DACH2: variants seen among roughly 807,000 people sequenced by gnomAD.
DACH2 encodes dachshund homolog 2.
A neutral mutation model predicts 35.8 loss-of-function variants in DACH2; 17 were observed. The observed-to-expected ratio is 0.48, with a 90% confidence interval of 0.33 to 0.71. DACH2 has a LOEUF of 0.71. Among genes scored for constraint, DACH2 ranks in the 30% least tolerant of loss-of-function variants. The probability of loss-of-function intolerance (pLI) is 0.02; values close to 1 mark genes in which losing one functional copy is unlikely to be tolerated. For missense variants in DACH2, 469 were observed against 472.7 expected, an observed-to-expected ratio of 0.99 and a Z score of 0.07; for synonymous variants, 195 against 177.3, an observed-to-expected ratio of 1.10 and a Z score of -0.79.
intron 7 of DACH2, among the ~76,000 whole-genome samples, chrX:86,767,379 C>G (rs1161686102): frequency 9.0e-6 from 1 of 111,558 alleles, no homozygotes; most frequent in Non-Finnish European, 1.9e-5. Context: ...AGCATAATAT[C>G]ACAGAGAAAG....
intron 3 of DACH2, among the ~76,000 whole-genome samples, chrX:86,592,615 A>G (rs1290817216): frequency 8.9e-6 from 1 of 112,185 alleles, no homozygotes; most frequent in Non-Finnish European, 1.9e-5. Context: ...AGTTATGTAG[A>G]ACTGATATCT....
chrX:86,662,524 C>T (rs1412291743), intron 4 of DACH2, among the ~76,000 whole-genome samples: 1 of 109,163 alleles, frequency 9.2e-6, no homozygotes, highest in East Asian at 2.9e-4. Context: ...ACCAGGCAGG[C>T]GGAGGTTGCA....
At chrX:86,242,786 T>C (rs1374930611) in intron 1 of DACH2, among the ~76,000 whole-genome samples, 1 of 111,315 alleles carries the variant, frequency 9.0e-6, no homozygotes, top group Non-Finnish European at 1.9e-5. Flanking sequence ...CCCTAGTTGC[T>C]CTTGTGATAG....
At chrX:86,152,265 A>G (rs758526922) in intron 1 of DACH2, among the ~76,000 whole-genome samples, 1 of 110,872 alleles carries the variant, frequency 9.0e-6, no homozygotes, top group Non-Finnish European at 1.9e-5. Flanking sequence ...GGGGAAGAGT[A>G]CAAGTCCTGA....
Position 86,542,783 on chromosome X carries a change from G to A in DACH2, c.640+28392G>A, listed in dbSNP as rs1313667390. 1.2e-4 allele frequency among the ~76,000 whole-genome samples: 13 copies of A among 111,727 alleles called. No homozygotes were observed. In the Admixed American group the frequency reaches 1.2e-3, roughly 11 times the overall value. On this transcript the variant is annotated intron_variant, in intron 3 of 11. Transcript: ENST00000373125. ...TGCATATGGGCCTAGTGATCACTGA[G>A]GTGGAGCAGAAACCTAGCTTCTCAG...
At chrX:86,659,042 G>T (rs947183786) in intron 4 of DACH2, among the ~76,000 whole-genome samples, 1 of 111,339 alleles carries the variant, frequency 9.0e-6, no homozygotes, top group African/African-American at 3.3e-5. Flanking sequence ...AACTGGCAAA[G>T]TTGAATTAGA....
intron 3 of DACH2, among the ~76,000 whole-genome samples, chrX:86,600,202 T>C (rs1296649219): frequency 1.8e-5 from 2 of 111,774 alleles, no homozygotes; most frequent in African/African-American, 3.3e-5. Context: ...ATTTAGCAGA[T>C]ATTTTTTAAT....
At chrX:86,263,468 A>C in intron 1 of DACH2, among the ~76,000 whole-genome samples, 1 of 111,581 alleles carries the variant, frequency 9.0e-6, no homozygotes, top group Non-Finnish European at 1.9e-5. Flanking sequence ...CATGGGTGGG[A>C]GTGGATGTGT....
intron 1 of DACH2, among the ~76,000 whole-genome samples, chrX:86,215,458 C>T (rs370630000): frequency 1.8e-4 from 20 of 111,620 alleles, no homozygotes; most frequent in African/African-American, 5.9e-4. Context: ...TCCTATATTG[C>T]GTAATATACA....
At chrX:86,775,447 C>A (rs749920565) in intron 7 of DACH2, among the ~76,000 whole-genome samples, 5 of 111,199 alleles carry the variant, frequency 4.5e-5, no homozygotes, top group Non-Finnish European at 7.6e-5. Context: ...ACTGCGCATG[C>A]GAGGGATCTA....
chrX:86,436,193 T>G (rs965997273), intron 2 of DACH2, among the ~76,000 whole-genome samples: 1 of 110,969 alleles, frequency 9.0e-6, no homozygotes, highest in Non-Finnish European at 1.9e-5. Flanking sequence ...TTAAAAAATT[T>G]GAAGTTATGC....
intron 3 of DACH2, among the ~76,000 whole-genome samples, chrX:86,556,781 TATATATATATATATAGAGAGAG>T (rs1305218840): frequency 1.6e-5 from 1 of 62,932 alleles, no homozygotes; most frequent in African/African-American, 6.5e-5. Context: ...TATATATATA[TATATATATATATATAGAGAGAG>T]AGAGAGAGAG....
In DACH2 at chrX:86,560,594, G is replaced by A. The variant is rs867116960; in HGVS notation, c.640+46203G>A. Among the ~76,000 whole-genome samples, 16 of 96,454 alleles carry A rather than the reference G, an allele frequency of 1.7e-4. No homozygotes were observed. The South Asian group carries it at 2.7e-3, about 16-fold the overall frequency. The allele number at this position is 96,454 out of a possible 115,157, so 83.8% of individuals were successfully genotyped here. A position where few individuals can be genotyped will look rare whatever the true frequency, so the allele number is the denominator to read the frequency against. ...GAACAGAGCCCTCAGAAATAATGCC[G>A]CATATCTACAACTATCTGATCTTTG... On this transcript the variant is annotated intron_variant, in intron 3 of 11. Transcript: ENST00000373125.
chrX:86,345,298 T>C, intron 1 of DACH2: 1 of 170,051 alleles, frequency 5.9e-6, no homozygotes, highest in South Asian at 1.0e-4. Flanking sequence ...TAAACCTTAT[T>C]ATAGTAGCTC....
chrX:86,429,311 C>T (rs2036944569), intron 2 of DACH2, among the ~76,000 whole-genome samples: 1 of 110,465 alleles, frequency 9.1e-6, no homozygotes, highest in Admixed American at 9.7e-5. Flanking sequence ...TTTTTCTTCT[C>T]CCAGTTGCAT....
intron 1 of DACH2, among the ~76,000 whole-genome samples, chrX:86,258,145 A>G (rs1360746538): frequency 8.9e-6 from 1 of 112,216 alleles, no homozygotes; most frequent in African/African-American, 3.2e-5. Flanking sequence ...TGGAAAAAAA[A>G]TATTTTTCAG....
intron 3 of DACH2, among the ~76,000 whole-genome samples, chrX:86,595,384 A>G (rs1253669455): frequency 9.0e-6 from 1 of 111,544 alleles, no homozygotes; most frequent in Non-Finnish European, 1.9e-5. Flanking sequence ...AAGTGCTGAG[A>G]TGATAGGAGT....
intron 7 of DACH2, among the ~76,000 whole-genome samples, chrX:86,811,327 G>T (rs1383511932): frequency 8.9e-6 from 1 of 111,821 alleles, no homozygotes; most frequent in Admixed American, 9.5e-5. Context: ...AAAGGTAACT[G>T]TTAAATTAAT....
intron 11 of DACH2, chrX:86,828,502 A>C (rs1449687545): frequency 9.0e-6 from 1 of 111,298 alleles, no homozygotes; most frequent in Non-Finnish European, 1.9e-5. Context: ...ATACCCCTTT[A>C]CTATTTTCTT....
Sources: gnomAD v4.1 joint callset for allele counts (sites outside exome capture counted in the v4.1 genomes callset) on GRCh38, gnomAD v4.1.1 for gene constraint, MANE v1.5 for transcripts, NCBI Gene and HGNC (gene_info 2026-07-23, HGNC 2026-07-21) for gene names.